Variants in GPR39 observed in about 807,000 individuals in gnomAD.
GPR39 encodes zinc sensing receptor.
A neutral mutation model predicts 18.4 loss-of-function variants in GPR39; 23 were observed. The observed-to-expected ratio is 1.25, with a 90% CI of 0.90 to 1.77. The LOEUF (loss-of-function observed/expected upper bound fraction) is 1.77, where lower values mean the gene tolerates loss of function less well. GPR39 is among the 40% of genes most tolerant of loss of function. The pLI is 0.00. For synonymous variants in GPR39, 280 were observed against 257.9 expected, an observed-to-expected ratio of 1.09 and a Z score of -0.82; for missense variants, 647 against 602.4, an observed-to-expected ratio of 1.07 and a Z score of -0.78.
chr2:132,595,713 T>C (rs993690059), intron 1 of GPR39, among the ~76,000 whole-genome samples: 1 of 152,192 alleles, frequency 6.6e-6, no homozygotes, highest in African/African-American at 2.4e-5. Context: ...TCAGTCATCA[T>C]AATGTGCCAT....
At chr2:132,536,575 C>T (rs1033132850) in intron 1 of GPR39, among the ~76,000 whole-genome samples, 4 of 152,118 alleles carry the variant, frequency 2.6e-5, no homozygotes, top group Non-Finnish European at 5.9e-5. Flanking sequence ...TTGTAGATGT[C>T]TATTATGTCC....
chr2:132,637,080 C>T (rs1324894617), intron 1 of GPR39, among the ~76,000 whole-genome samples: 1 of 152,224 alleles, frequency 6.6e-6, no homozygotes, highest in East Asian at 1.9e-4. Context: ...CAGTTGAGAT[C>T]TACATAGAAA....
At position 132,455,608 on chromosome 2, in the gene GPR39, G is replaced by T. The variant is rs1052493485; in HGVS notation, c.856+37710G>T. On this transcript the variant is annotated intron_variant, in intron 1 of 1. Transcript: ENST00000329321. ...TTTTCGATCTTTCCTGCTTTCTCTT[G>T]TGGGCATTTAGTGCTATAAATTTCC... is the stretch of plus-strand genomic sequence containing the variant. Among the ~76,000 whole-genome samples, 3 of 152,208 alleles carry T rather than the reference G, an allele frequency of 2.0e-5. No homozygotes were observed. The East Asian group carries it at 5.8e-4, about 29-fold the overall frequency.
In GPR39 at chr2:132,488,126, C is replaced by T. The variant is rs566261541; in HGVS notation, c.856+70228C>T. ...GGTAAGTAGACAAATTTGCTTACTT[C>T]TTTCTCCTGGACTTACTTTCTTTCT... On this transcript the variant is annotated intron_variant, in intron 1 of 1. Coordinates refer to ENST00000329321, the MANE Select transcript of GPR39 (RefSeq NM_001508.3). Among the ~76,000 whole-genome samples, 4 of 152,298 alleles carry T rather than the reference C, an allele frequency of 2.6e-5. No homozygotes were observed. The East Asian group carries it at 7.7e-4, about 29-fold the overall frequency.
intron 1 of GPR39, among the ~76,000 whole-genome samples, chr2:132,543,316 G>A (rs540126654): frequency 6.6e-6 from 1 of 152,220 alleles, no homozygotes; most frequent in East Asian, 1.9e-4. Context: ...ACTCCATATT[G>A]ATTTACTTCC....
rs746018188 is a variant in GPR39 at position 132,417,696 on chromosome 2, C to T, written c.654C>T (p.Thr218=). 6.2e-7 allele frequency: 1 copy of T among 1,614,158 alleles called. No individual in the cohort carries two copies. Among genetic ancestry groups the T allele is most frequent in the South Asian group, 1.1e-5 (1 of 91,088 alleles). ...GTACCAACCTCTCCAGCCGCTGGACCGTGTTCCAGTCCAGCATCTTCGGCG... is the reference window on the plus strand; with the variant it reads ...GTACCAACCTCTCCAGCCGCTGGACTGTGTTCCAGTCCAGCATCTTCGGCG... ...SICTNLSSRW[T]VFQSSIFGAF... The change falls in exon 1 of 2, where the codon ACC becomes ACT. Residue 218 remains threonine (T), a synonymous_variant. Coordinates refer to ENST00000329321, the MANE Select transcript of GPR39 (RefSeq NM_001508.3).
intron 1 of GPR39, among the ~76,000 whole-genome samples, chr2:132,471,183 C>T (rs1573618185): frequency 6.6e-6 from 1 of 151,984 alleles, no homozygotes; most frequent in Non-Finnish European, 1.5e-5. Flanking sequence ...GCCACAGCCT[C>T]ACAAGAAAAT....
At chr2:132,528,886 G>T (rs906351951) in intron 1 of GPR39, among the ~76,000 whole-genome samples, 3 of 152,104 alleles carry the variant, frequency 2.0e-5, no homozygotes, top group African/African-American at 4.8e-5. Flanking sequence ...AATCCTGGGG[G>T]TGGAGCCAAG....
intron 1 of GPR39, among the ~76,000 whole-genome samples, chr2:132,498,110 G>A (rs972876848): frequency 6.6e-6 from 1 of 152,008 alleles, no homozygotes; most frequent in African/African-American, 2.4e-5. Context: ...ATTTCAGTAG[G>A]TTTTTGGGGA....
intron 1 of GPR39, among the ~76,000 whole-genome samples, chr2:132,631,221 C>T (rs879687838): frequency 1.2e-4 from 19 of 152,138 alleles, no homozygotes; most frequent in African/African-American, 4.1e-4. Flanking sequence ...CTCATTGTTG[C>T]GCTGTACTGT....
chr2:132,585,708 T>G (rs1159721202), intron 1 of GPR39, among the ~76,000 whole-genome samples: 1 of 151,722 alleles, frequency 6.6e-6, no homozygotes, highest in African/African-American at 2.4e-5. Context: ...GGGCGCAGTT[T>G]GCGAACTGCT....
chr2:132,479,470 A>G (rs1243899844), intron 1 of GPR39, among the ~76,000 whole-genome samples: 3 of 152,172 alleles, frequency 2.0e-5, no homozygotes, highest in African/African-American at 7.2e-5. Context: ...GGTATGGAGG[A>G]TTTGTGGAAT....
At chr2:132,593,661 C>G (rs1264408866) in intron 1 of GPR39, among the ~76,000 whole-genome samples, 1 of 151,978 alleles carries the variant, frequency 6.6e-6, no homozygotes, top group African/African-American at 2.4e-5. Flanking sequence ...GCTTGGGGAG[C>G]CTGGGAGTGT....
chr2:132,533,323 C>T (rs1326768855), intron 1 of GPR39, among the ~76,000 whole-genome samples: 1 of 151,870 alleles, frequency 6.6e-6, no homozygotes, highest in Non-Finnish European at 1.5e-5. Flanking sequence ...GAGCTACAAA[C>T]CACTGCTCAA....
At chr2:132,553,615 G>A (rs1680095385) in intron 1 of GPR39, among the ~76,000 whole-genome samples, 1 of 152,058 alleles carries the variant, frequency 6.6e-6, no homozygotes, top group Non-Finnish European at 1.5e-5. Flanking sequence ...AATGGTGGCT[G>A]CCCTGAGTGA....
intron 1 of GPR39, among the ~76,000 whole-genome samples, chr2:132,486,194 C>T (rs1351851007): frequency 6.6e-6 from 1 of 152,146 alleles, no homozygotes; most frequent in Non-Finnish European, 1.5e-5. Context: ...TTTAGTAAAC[C>T]ATGCTATAAA....
At chr2:132,436,010 A>G (rs1680312782) in intron 1 of GPR39, among the ~76,000 whole-genome samples, 1 of 152,216 alleles carries the variant, frequency 6.6e-6, no homozygotes, top group Non-Finnish European at 1.5e-5. Flanking sequence ...GATGGCTATA[A>G]GGAGCCTCTG....
intron 1 of GPR39, among the ~76,000 whole-genome samples, chr2:132,618,158 G>C (rs1681372286): frequency 6.6e-6 from 1 of 152,172 alleles, no homozygotes; most frequent in Non-Finnish European, 1.5e-5. Flanking sequence ...TAAGTTAAGT[G>C]GAAAAAGAAG....
intron 1 of GPR39, among the ~76,000 whole-genome samples, chr2:132,521,379 G>T (rs1679424312): frequency 6.6e-6 from 1 of 152,146 alleles, no homozygotes; most frequent in South Asian, 2.1e-4. Context: ...TTTTTTTCCT[G>T]GCATTAACAC....
Sources: gnomAD v4.1 joint callset for allele counts (sites outside exome capture counted in the v4.1 genomes callset) on GRCh38, gnomAD v4.1.1 for gene constraint, MANE v1.5 for transcripts, NCBI Gene and HGNC (gene_info 2026-07-23, HGNC 2026-07-21) for gene names.